Variants in FOXH1 observed in about 807,000 individuals in gnomAD.
FOXH1 encodes forkhead box H1, also known as forkhead box protein H1.
In FOXH1, 10 loss-of-function variants were observed where a neutral mutation model predicts 14.2. The observed-to-expected ratio is 0.70, with a 90% confidence interval of 0.43 to 1.19. The LOEUF (loss-of-function observed/expected upper bound fraction) is 1.19, where lower values mean the gene tolerates loss of function less well. FOXH1 is among the 50% of genes most tolerant of loss of function. The probability of loss-of-function intolerance (pLI) is 0.00; values close to 1 mark genes in which losing one functional copy is unlikely to be tolerated. For missense variants in FOXH1, 643 were observed against 492.1 expected (o/e 1.31, Z -2.90); for synonymous variants, 273 against 209.5 (o/e 1.30, Z -2.62).
chr8:144,473,481 C>T lies in FOXH1; in HGVS notation c.*757G>A. 2.1e-6 allele frequency: 3 copies of T among 1,450,648 alleles called. No homozygotes were observed. Among genetic ancestry groups the T allele is most frequent in the Non-Finnish European group, 2.7e-6 (3 of 1,104,220 alleles). 89.9% of individuals were successfully genotyped at this position (1,450,648 alleles called of 1,614,324 possible). ...TCCCTGTACCCCGTCTCCCAGGGCA[C>T]AAGCTCCCTAGCCTCTTTGGATCCA... On this transcript the variant is annotated 3_prime_UTR_variant, in exon 3 of 3. Transcript: ENST00000377317.
At position 144,475,848 on chromosome 8, in the gene FOXH1, C is replaced by T. The variant is rs1194996033; in HGVS notation, c.-92G>A. On this transcript the variant is annotated 5_prime_UTR_variant, in exon 1 of 3. Transcript: ENST00000377317. ...AGAAGGCAGGGCCGGGACCTGAGGC[C>T]GGGCTGGGGCAGGCGGGCTGGGGCC... The T allele has an allele frequency of 9.6e-6, 5 of 518,596 alleles. No individual in the cohort carries two copies. Among genetic ancestry groups the T allele is most frequent in the African/African-American group, 2.9e-5 (1 of 34,952 alleles). The allele number at this position is 518,596 out of a possible 1,614,324, so 32.1% of individuals were successfully genotyped here.
In FOXH1 at chr8:144,473,626, C is replaced by T. The variant is rs1825035450; in HGVS notation, c.*612G>A. ...ATCAGGCCACAGGTCTTGGCTTTCT[C>T]CTTATCACCATTTGCTGTTATCACG... is the stretch of plus-strand genomic sequence containing the variant. On this transcript the variant is annotated 3_prime_UTR_variant, in exon 3 of 3. Coordinates refer to ENST00000377317, the MANE Select transcript of FOXH1 (RefSeq NM_003923.3). 1 of 554,434 alleles carries T rather than the reference C, an allele frequency of 1.8e-6. No homozygotes were observed. Among genetic ancestry groups the T allele is most frequent in the Non-Finnish European group, 3.0e-6 (1 of 335,788 alleles). 34.3% of individuals were successfully genotyped at this position (554,434 alleles called of 1,614,324 possible). A position where few individuals can be genotyped will look rare whatever the true frequency, so the allele number is the denominator to read the frequency against.
chr8:144,475,771 A>G lies in FOXH1; in HGVS notation c.-15T>C, dbSNP rs537905361. ...CAGGGCCCCATGCGGGACGGTAGAC[A>G]GCGTGGGCAGGGGCCTGGCCGGGTG... On this transcript the variant is annotated 5_prime_UTR_variant, in exon 1 of 3. Coordinates refer to ENST00000377317, the MANE Select transcript of FOXH1 (RefSeq NM_003923.3). 21 of 1,374,446 alleles carry G rather than the reference A, an allele frequency of 1.5e-5. No homozygotes were observed. In the South Asian group the frequency reaches 3.7e-4, roughly 24 times the overall value. The allele number at this position is 1,374,446 out of a possible 1,614,324, so 85.1% of individuals were successfully genotyped here.
In FOXH1 at chr8:144,473,526, G is replaced by C. The variant is rs183946498; in HGVS notation, c.*712C>G. The C allele has an allele frequency of 5.8e-4, 773 of 1,325,526 alleles. 1 individual carries two copies. In the African/African-American group the frequency reaches 9.2e-3, roughly 16 times the overall value. The allele number at this position is 1,325,526 out of a possible 1,614,324, so 82.1% of individuals were successfully genotyped here. A position where few individuals can be genotyped will look rare whatever the true frequency, so the allele number is the denominator to read the frequency against. On this transcript the variant is annotated 3_prime_UTR_variant, in exon 3 of 3. Transcript: ENST00000377317. Reference sequence around the variant, plus strand: ...GATCCATTGCCCCTGAGCTCCCAGAGTCACCCCTCCACCTCCGCAGCCAGT... The same window carrying C: ...GATCCATTGCCCCTGAGCTCCCAGACTCACCCCTCCACCTCCGCAGCCAGT...
rs558828457 is a variant in FOXH1, at chr8:144,474,154, C to G, written c.*84G>C. On this transcript the variant is annotated 3_prime_UTR_variant, in exon 3 of 3. Transcript: ENST00000377317. ...CCTGGTGTTTCGAGGCTGCTGTGGT[C>G]GCAGACAGCCGCCTCGCCTTGGCTC... 8.2e-6 allele frequency: 9 copies of G among 1,100,900 alleles called. No individual in the cohort carries two copies. The South Asian group carries it at 9.7e-5, about 12-fold the overall frequency. The allele number at this position is 1,100,900 out of a possible 1,614,324, so 68.2% of individuals were successfully genotyped here. A position where few individuals can be genotyped will look rare whatever the true frequency, so the allele number is the denominator to read the frequency against.
Position 144,474,445 on chromosome 8 carries a change from G to C in FOXH1, c.891C>G (p.Pro297=). Residue 297 remains proline (P), a synonymous_variant, in exon 3 of 3, where the codon CCC becomes CCG. Transcript: ENST00000377317. ...TTGACGGACACTGGGGACAGGAGGTGGGTGGTGGTGCCAAGGGCATTACCA... is the reference window on the plus strand; with the variant it reads ...TTGACGGACACTGGGGACAGGAGGTCGGTGGTGGTGCCAAGGGCATTACCA... ...PNVVMPLAPP[P]TSCPQCPSTS... is the part of the protein sequence containing the mutation. 6.2e-7 allele frequency: 1 copy of C among 1,613,026 alleles called. No individual in the cohort carries two copies. Among genetic ancestry groups the C allele is most frequent in the Non-Finnish European group, 8.5e-7 (1 of 1,179,998 alleles).
rs950992583 is a variant in FOXH1, at chr8:144,475,817, C to T, written c.-61G>A. ...GGGTGGAGGGTGCAGGGCGGTGGGG[C>T]AGTGTAGAAGGCAGGGCCGGGACCT... On this transcript the variant is annotated 5_prime_UTR_variant, in exon 1 of 3. Transcript: ENST00000377317. 14 of 1,204,578 alleles carry T rather than the reference C, an allele frequency of 1.2e-5. No homozygotes were observed. Among genetic ancestry groups the T allele is most frequent in the Admixed American group, 7.8e-5 (2 of 25,738 alleles). The allele number at this position is 1,204,578 out of a possible 1,614,324, so 74.6% of individuals were successfully genotyped here. A position where few individuals can be genotyped will look rare whatever the true frequency, so the allele number is the denominator to read the frequency against.
chr8:144,474,976 G>C lies in FOXH1; in HGVS notation c.360C>G (p.Leu120=), dbSNP rs914768594. 6 of 1,607,400 alleles carry C rather than the reference G, an allele frequency of 3.7e-6. No homozygotes were observed. The highest frequency in any genetic ancestry group is 1.1e-5 in the South Asian group (1 of 90,314). Residue 120 remains leucine, a synonymous_variant, in exon 3 of 3, where the codon CTC becomes CTG. Transcript: ENST00000377317. ...GGCACAGGGCGGTGTTCTGCAGCCG[G>C]AGCGCCTCAGCTGGGATCAGGCTCA... The part of the protein sequence containing the change: ...VDVSLIPAEA[L]RLQNTALCRR...
In FOXH1 at chr8:144,474,297, G is replaced by A. The variant is rs751171551; in HGVS notation, c.1039C>T (p.His347Tyr). 1.2e-6 allele frequency: 2 copies of A among 1,608,270 alleles called. No homozygotes were observed. Among genetic ancestry groups the A allele is most frequent in the South Asian group, 2.2e-5 (2 of 90,852 alleles). Residue 347 changes from histidine (H) to tyrosine (Y), a missense_variant, in exon 3 of 3, where the codon CAC (histidine) becomes TAC (tyrosine). Physicochemically the swap from His to Tyr is moderately conservative, Grantham distance 83. Transcript: ENST00000377317. ...NKSIYDVWVS[H>Y]PRDLAAPGPG... ...CCAGGGGCCGCCAGGTCCCGAGGGT[G>A]GCTGACCCAAACGTCGTAGATGCTT...
chr8:144,473,698 G>A lies in FOXH1; in HGVS notation c.*540C>T. ...GCCCCCCCGCCAAGTGGTTACCCAAGTCACCACTCCTGACCCAAAAATCAG... is the reference window on the plus strand; with the variant it reads ...GCCCCCCCGCCAAGTGGTTACCCAAATCACCACTCCTGACCCAAAAATCAG... On this transcript the variant is annotated 3_prime_UTR_variant, in exon 3 of 3. Transcript: ENST00000377317. The A allele has an allele frequency of 2.1e-6, 1 of 482,220 alleles. No homozygotes were observed. The highest frequency in any genetic ancestry group is 3.6e-6 in the Non-Finnish European group (1 of 277,444). The allele number at this position is 482,220 out of a possible 1,614,324, so 29.9% of individuals were successfully genotyped here.
chr8:144,474,809 G>C lies in FOXH1; in HGVS notation c.527C>G (p.Ser176Cys). Residue 176 changes from serine (S) to cysteine (C), a missense_variant, in exon 3 of 3, where the codon TCC becomes TGC. Coordinates refer to ENST00000377317, the MANE Select transcript of FOXH1 (RefSeq NM_003923.3). Reference protein sequence around the residue: ...GFSIKSLLGGSGEGAPWPGLA... With the variant: ...GFSIKSLLGGCGEGAPWPGLA... ...CCCCGGCCAGGGTGCCCCCTCCCCG[G>C]ACCCTCCTAGCAGGGACTTGATGCT... 6.2e-7 allele frequency: 1 copy of C among 1,609,238 alleles called. No individual in the cohort carries two copies. Among genetic ancestry groups the C allele is most frequent in the East Asian group, 2.2e-5 (1 of 44,766 alleles).
Position 144,473,468 on chromosome 8 carries a change from G to A in FOXH1, c.*770C>T. On this transcript the variant is annotated 3_prime_UTR_variant, in exon 3 of 3. Transcript: ENST00000377317. ...GGCGGTAGTAAAGTCCCTGTACCCC[G>A]TCTCCCAGGGCACAAGCTCCCTAGC... The A allele has an allele frequency of 6.8e-7, 1 of 1,464,296 alleles. No homozygotes were observed. The highest frequency in any genetic ancestry group is 9.0e-7 in the Non-Finnish European group (1 of 1,110,486). The allele number at this position is 1,464,296 out of a possible 1,614,324, so 90.7% of individuals were successfully genotyped here. A position where few individuals can be genotyped will look rare whatever the true frequency, so the allele number is the denominator to read the frequency against.
intron 2 of FOXH1, 49 bp downstream of exon 2, chr8:144,475,108 G>A (rs370581086): frequency 7.5e-6 from 12 of 1,604,794 alleles, no homozygotes; most frequent in African/African-American, 1.3e-5. Context: ...GGATGCTCAG[G>A]ACTTCCGCGC....
Position 144,474,716 on chromosome 8 carries a change from G to T in FOXH1, c.620C>A (p.Pro207Gln), listed in dbSNP as rs775697350. Reference sequence around the variant, plus strand: ...AGGCCTCTCAGAAGAGGGAAGGGGTGGGGTGGGCACCGCCTCCTCCCCACT... The same window carrying T: ...AGGCCTCTCAGAAGAGGGAAGGGGTTGGGTGGGCACCGCCTCCTCCCCACT... ...GNSGEEAVPT[P>Q]PLPSSERPLW... The change falls in exon 3 of 3, where the codon CCA (proline) becomes CAA (glutamine). Residue 207 changes from proline to glutamine, a missense_variant. Transcript: ENST00000377317. 1.9e-6 allele frequency: 3 copies of T among 1,541,192 alleles called. No homozygotes were observed. The highest frequency in any genetic ancestry group is 1.2e-5 in the South Asian group (1 of 81,044).
At position 144,473,734 on chromosome 8, in the gene FOXH1, AAAACGTTGC is replaced by A; in HGVS notation, c.*495_*503del. 2.3e-6 allele frequency: 1 copy of A among 442,618 alleles called. No individual in the cohort carries two copies. Among genetic ancestry groups the A allele is most frequent in the Non-Finnish European group, 4.0e-6 (1 of 251,356 alleles). 27.4% of individuals were successfully genotyped at this position (442,618 alleles called of 1,614,324 possible). A position where few individuals can be genotyped will look rare whatever the true frequency, so the allele number is the denominator to read the frequency against. On this transcript the variant is annotated 3_prime_UTR_variant, in exon 3 of 3. Coordinates refer to ENST00000377317, the MANE Select transcript of FOXH1 (RefSeq NM_003923.3). ...TGACCCAAAAATCAGGCATGGCATT[AAAACGTTGC>A]AAATTCCTTTACTGTTATCCCCCCC... is the stretch of plus-strand genomic sequence containing the variant.
chr8:144,475,376 C>T, intron 1 of FOXH1, 115 bp from the exon 2 acceptor site: 1 of 990,764 alleles, frequency 1.0e-6, no homozygotes, highest in Non-Finnish European at 1.6e-6. Context: ...CTGCTGTCCC[C>T]GAAGAAGGAC....
Position 144,475,783 on chromosome 8 carries a change from G to T in FOXH1, c.-27C>A, listed in dbSNP as rs377382539. ...CGGGACGGTAGACAGCGTGGGCAGG[G>T]GCCTGGCCGGGTGGAGGGTGCAGGG... On this transcript the variant is annotated 5_prime_UTR_variant, in exon 1 of 3. Coordinates refer to ENST00000377317, the MANE Select transcript of FOXH1 (RefSeq NM_003923.3). 688 of 1,371,540 alleles carry T rather than the reference G, an allele frequency of 5.0e-4. 4 individuals are homozygous for T. In the African/African-American group the frequency reaches 9.1e-3, roughly 18 times the overall value. 85.0% of individuals were successfully genotyped at this position (1,371,540 alleles called of 1,614,324 possible).
chr8:144,474,103 AC>A lies in FOXH1; in HGVS notation c.*134del. 1 of 695,878 alleles carries A rather than the reference AC, an allele frequency of 1.4e-6. No homozygotes were observed. The highest frequency in any genetic ancestry group is 2.7e-5 in the East Asian group (1 of 36,712). The allele number at this position is 695,878 out of a possible 1,614,324, so 43.1% of individuals were successfully genotyped here. On this transcript the variant is annotated 3_prime_UTR_variant, in exon 3 of 3. Coordinates refer to ENST00000377317, the MANE Select transcript of FOXH1 (RefSeq NM_003923.3). ...CCATGCGTGGGGTGGCCCAATAAACACCGTGGACTCCCAGCAAGGCTGCTGC... is the reference window on the plus strand; with the variant it reads ...CCATGCGTGGGGTGGCCCAATAAACACGTGGACTCCCAGCAAGGCTGCTGC...
rs1201469511 is a variant in FOXH1, at chr8:144,475,041, C to A, written c.295G>T (p.Ala99Ser). The change falls in exon 3 of 3, where the codon GCA becomes TCA. Residue 99 changes from alanine (A) to serine (S), a missense_variant. Transcript: ENST00000377317. ...RCFRKVPKDP[A>S]KPQAKGNFWA... ...AAGTTGCCCTTGGCCTGGGGCTTTG[C>A]AGGGTCCTTGGGCACCTGGGTGTGG... 6.2e-7 allele frequency: 1 copy of A among 1,602,376 alleles called. No homozygotes were observed. The highest frequency in any genetic ancestry group is 8.5e-7 in the Non-Finnish European group (1 of 1,175,078).
Sources: gnomAD v4.1 joint callset for allele counts on GRCh38, gnomAD v4.1.1 for gene constraint, MANE v1.5 for transcripts, NCBI Gene and HGNC (gene_info 2026-07-23, HGNC 2026-07-21) for gene names.